Variants in ROBO1 observed in about 807,000 individuals in gnomAD.
ROBO1 encodes the protein roundabout guidance receptor 1, also known as roundabout homolog 1.
A neutral mutation model predicts 195.9 loss-of-function variants in ROBO1; 149 were observed. That is an observed-to-expected ratio of 0.76 (90% CI 0.67 to 0.87). ROBO1 has a LOEUF of 0.87. ROBO1 is among the 40% of genes least tolerant of loss of function. The probability of loss-of-function intolerance (pLI) is 0.00; values close to 1 mark genes in which losing one functional copy is unlikely to be tolerated. For synonymous variants in ROBO1, 816 were observed against 733.2 expected, an observed-to-expected ratio of 1.11 and a Z score of -1.82; for missense variants, 1,933 against 2,068.3, an observed-to-expected ratio of 0.93 and a Z score of 1.27.
intron 2 of ROBO1, among the ~76,000 whole-genome samples, chr3:79,289,277 A>G (rs999103468): frequency 3.3e-5 from 5 of 152,174 alleles, no homozygotes; most frequent in Non-Finnish European, 5.9e-5. Context: ...ATAAACCAAT[A>G]TATTTGGTGT....
At chr3:79,486,839 G>A (rs1162777018) in intron 2 of ROBO1, among the ~76,000 whole-genome samples, 1 of 152,108 alleles carries the variant, frequency 6.6e-6, no homozygotes, top group Non-Finnish European at 1.5e-5. Flanking sequence ...CTGCCCAAAA[G>A]TAAGACAAAA....
chr3:79,366,315 G>A (rs1394800546), intron 2 of ROBO1, among the ~76,000 whole-genome samples: 2 of 152,132 alleles, frequency 1.3e-5, no homozygotes, highest in Non-Finnish European at 2.9e-5. Context: ...GGGAGTATGG[G>A]AGGGCAATAG....
Position 78,614,746 on chromosome 3 carries a change from G to A in ROBO1, c.4337C>T (p.Thr1446Ile). The A allele has an allele frequency of 6.2e-7, 1 of 1,612,978 alleles. No individual in the cohort carries two copies. Among genetic ancestry groups the A allele is most frequent in the Non-Finnish European group, 8.5e-7 (1 of 1,179,688 alleles). ...TACGGCGGCACTCATGTTGCTGTCT[G>A]TAGACACGGGACTTGTGGGCCTAGG... is the stretch of plus-strand genomic sequence containing the variant. Reference protein sequence around the residue: ...QCPRPTSPVSTDSNMSAAVMQ... With the variant: ...QCPRPTSPVSIDSNMSAAVMQ... The change falls in exon 28 of 31, where the codon ACA becomes ATA. Residue 1446 changes from threonine to isoleucine, a missense_variant. This residue lies in a region of ROBO1 where 1,737 missense variants were observed against 1,882.5 expected (regional missense o/e 0.92). Coordinates refer to ENST00000464233, the MANE Select transcript of ROBO1 (RefSeq NM_002941.4).
At chr3:79,637,819 C>T (rs1945540278) in intron 1 of ROBO1, among the ~76,000 whole-genome samples, 4 of 151,962 alleles carry the variant, frequency 2.6e-5, no homozygotes, top group Admixed American at 2.6e-4. Flanking sequence ...ACATAAGAGT[C>T]AATAAAAAGC....
intron 3 of ROBO1, among the ~76,000 whole-genome samples, chr3:79,033,027 C>A (rs2078323638): frequency 6.6e-6 from 1 of 151,952 alleles, no homozygotes; most frequent in African/African-American, 2.4e-5. Flanking sequence ...AGTGGTAGAA[C>A]ATTAAAACAT....
At chr3:78,916,985 A>G (rs994546912) in intron 4 of ROBO1, among the ~76,000 whole-genome samples, 3 of 152,204 alleles carry the variant, frequency 2.0e-5, no homozygotes, top group Admixed American at 6.5e-5. Flanking sequence ...AGCAAATCAG[A>G]TAAGTCTGAA....
intron 3 of ROBO1, among the ~76,000 whole-genome samples, chr3:78,940,212 T>C (rs889643607): frequency 2.0e-5 from 3 of 151,938 alleles, no homozygotes; most frequent in Non-Finnish European, 4.4e-5. Flanking sequence ...AAATTCCTCC[T>C]GAAAAGTTCT....
intron 1 of ROBO1, among the ~76,000 whole-genome samples, chr3:79,687,813 G>A (rs891828867): frequency 2.6e-5 from 4 of 152,130 alleles, no homozygotes; most frequent in African/African-American, 4.8e-5. Flanking sequence ...TCAGTGTAAC[G>A]ATTCCTCAGG....
intron 2 of ROBO1, among the ~76,000 whole-genome samples, chr3:79,313,303 C>A (rs2033577229): frequency 6.6e-6 from 1 of 152,070 alleles, no homozygotes; most frequent in Admixed American, 6.6e-5. Flanking sequence ...GATCCCAATC[C>A]TGCTTATGCC....
chr3:79,680,960 A>G (rs1224267572), intron 1 of ROBO1, among the ~76,000 whole-genome samples: 2 of 151,968 alleles, frequency 1.3e-5, no homozygotes, highest in African/African-American at 4.8e-5. Flanking sequence ...GTGTTTATTG[A>G]TAATGACTGG....
chr3:79,348,679 T>C (rs1401606830), intron 2 of ROBO1, among the ~76,000 whole-genome samples: 1 of 152,248 alleles, frequency 6.6e-6, no homozygotes, highest in African/African-American at 2.4e-5. Flanking sequence ...GGAATTCATA[T>C]GGCTGATGCT....
chr3:78,959,033 G>T (rs914338721), intron 3 of ROBO1, among the ~76,000 whole-genome samples: 4 of 151,902 alleles, frequency 2.6e-5, no homozygotes, highest in Non-Finnish European at 4.4e-5. Context: ...CAACTCCTGA[G>T]ATCAAGCTAT....
At chr3:79,514,937 CAT>C (rs1279195061) in intron 2 of ROBO1, among the ~76,000 whole-genome samples, 2 of 152,194 alleles carry the variant, frequency 1.3e-5, no homozygotes, top group Non-Finnish European at 2.9e-5. Flanking sequence ...TATGGAATCA[CAT>C]ATTTTACTGC....
intron 4 of ROBO1, among the ~76,000 whole-genome samples, chr3:78,837,617 T>C (rs1273775960): frequency 6.6e-6 from 1 of 152,142 alleles, no homozygotes; most frequent in Admixed American, 6.6e-5. Context: ...TTTTTGATGA[T>C]ATGAGCACTT....
intron 2 of ROBO1, among the ~76,000 whole-genome samples, chr3:79,559,659 G>A (rs1003093456): frequency 2.0e-5 from 3 of 152,084 alleles, no homozygotes; most frequent in Non-Finnish European, 2.9e-5. Flanking sequence ...TGGCTCACAC[G>A]TGTAATCCCA....
chr3:78,688,915 T>A, intron 8 of ROBO1, 143 bp from the exon 9 acceptor site: 2 of 798,036 alleles, frequency 2.5e-6, no homozygotes, highest in Non-Finnish European at 3.5e-6. Context: ...TTCTTGTCCT[T>A]AATTTGAAAC....
In ROBO1 at chr3:79,732,355, A is replaced by G. The variant is rs181116183; in HGVS notation, c.-51+35397T>C. On this transcript the variant is annotated intron_variant, in intron 1 of 30. Transcript: ENST00000464233. ...ATATAAAATTTACACAATTTAAAAA[A>G]GATATTAATATACTTTGTTTAAAAT... Among the ~76,000 whole-genome samples the G allele has an allele frequency of 4.9e-3, 721 of 145,978 alleles. 9 individuals carry two copies. Among genetic ancestry groups the G allele is most frequent in the African/African-American group, 0.017 (693 of 40,196 alleles).
chr3:79,081,324 T>C (rs2079270705), intron 3 of ROBO1, among the ~76,000 whole-genome samples: 1 of 151,872 alleles, frequency 6.6e-6, no homozygotes, highest in Non-Finnish European at 1.5e-5. Context: ...ATCATGACTT[T>C]AAAAAAAATT....
At chr3:79,491,170 T>G (rs1939432834) in intron 2 of ROBO1, among the ~76,000 whole-genome samples, 2 of 150,662 alleles carry the variant, frequency 1.3e-5, no homozygotes, top group Admixed American at 6.6e-5. Flanking sequence ...GACAGAGCAG[T>G]GCCATTGCTT....
Sources: allele counts gnomAD v4.1 joint callset (sites outside exome capture counted in the v4.1 genomes callset), GRCh38; gene constraint gnomAD v4.1.1; regional missense constraint gnomAD v4.1.1; transcripts MANE v1.5; gene names NCBI Gene and HGNC (gene_info 2026-07-23, HGNC 2026-07-21).